Variants in CHD1L observed in about 807,000 individuals in gnomAD.
CHD1L encodes chromodomain helicase DNA binding protein 1 like.
In CHD1L, 118 loss-of-function variants were observed where a neutral mutation model predicts 115.9. The ratio of observed to expected loss-of-function variants is 1.02; its 90% CI spans 0.88 to 1.19. The LOEUF (loss-of-function observed/expected upper bound fraction) is 1.19. Ranked by LOEUF, CHD1L falls within the 50% of genes most tolerant of loss-of-function variation. The pLI is 0.00. For synonymous variants in CHD1L, 411 were observed against 387.1 expected (o/e 1.06, Z -0.72); for missense variants, 1,179 against 1,065.3 (o/e 1.11, Z -1.49).
At chr1:147,265,526 C>T (rs1288824703) in intron 7 of CHD1L, among the ~76,000 whole-genome samples, 11 of 152,094 alleles carry the variant, frequency 7.2e-5, no homozygotes, top group Admixed American at 5.9e-4. Context: ...GAATGCTGGC[C>T]ACATTCACAT....
chr1:147,238,495 T>C (rs587670316), upstream of CHD1L, among the ~76,000 whole-genome samples: 1 of 152,230 alleles, frequency 6.6e-6, no homozygotes, highest in Non-Finnish European at 1.5e-5. Context: ...CTTATGGAGT[T>C]GCTGTTGCCA....
the CHD1L span, chr1:147,214,782 T>C: frequency 6.6e-6 from 1 of 151,956 alleles, no homozygotes; most frequent in Non-Finnish European, 1.5e-5. Flanking sequence ...TATAATAAAA[T>C]TTTTCTTCAT....
rs1553967248 is a variant in CHD1L, at chr1:147,287,728, TGAAAG to T, written c.2317_2320+1del. 3 of 1,613,220 alleles carry T rather than the reference TGAAAG, an allele frequency of 1.9e-6. No individual in the cohort carries two copies. Among genetic ancestry groups the T allele is most frequent in the African/African-American group, 1.3e-5 (1 of 74,750 alleles). On this transcript the variant is annotated frameshift_variant and splice_region_variant, in exon 19 of 23. Coordinates refer to ENST00000369258, the MANE Select transcript of CHD1L (RefSeq NM_004284.6). LOFTEE classifies it high-confidence loss of function. ...AAAATATATGAGCTGGCTGGGAAAATGAAAGGTAAGAAGCAAAGCAGAGGGAAAGG... is the reference window on the plus strand; with the variant it reads ...AAAATATATGAGCTGGCTGGGAAAATGTAAGAAGCAAAGCAGAGGGAAAGG...
the CHD1L span, chr1:147,186,461 T>C: frequency 3.5e-6 from 3 of 852,780 alleles, no homozygotes; most frequent in Non-Finnish European, 4.2e-6. Flanking sequence ...AGTTATAATA[T>C]GAAAAAAAAC....
the CHD1L span, chr1:147,204,351 AGAAT>A: frequency 8.9e-6 from 9 of 1,012,004 alleles, no homozygotes; most frequent in Non-Finnish European, 1.3e-5. Flanking sequence ...TGAAATGGCC[AGAAT>A]CAGGAAAAAT....
upstream of CHD1L, among the ~76,000 whole-genome samples, chr1:147,240,653 G>T (rs10900330): frequency 0.43 from 65,049 of 151,976 alleles, 14,319 homozygotes; most frequent in African/African-American, 0.54. Context: ...ATATTCCATT[G>T]ACTGAGATAG....
chr1:147,204,256 TC>T, the CHD1L span: 1 of 1,134,590 alleles, frequency 8.8e-7, no homozygotes, highest in Non-Finnish European at 1.3e-6. Context: ...ACCTTCTGTT[TC>T]CTTCTTAAAA....
chr1:147,274,653 T>C (rs1677619725), intron 12 of CHD1L, among the ~76,000 whole-genome samples: 1 of 152,136 alleles, frequency 6.6e-6, no homozygotes, highest in African/African-American at 2.4e-5. Flanking sequence ...AGGTACCTCC[T>C]CAGCTCTCTT....
At chr1:147,231,169 C>G in the CHD1L span, among the ~76,000 whole-genome samples, 1 of 152,164 alleles carries the variant, frequency 6.6e-6, no homozygotes, top group African/African-American at 2.4e-5. Context: ...CCTCTACACA[C>G]TGCTTTCAGT....
chr1:147,174,376 G>T, the CHD1L span: 3 of 152,156 alleles, frequency 2.0e-5, no homozygotes, highest in African/African-American at 7.2e-5. Context: ...ACCCCAAGGT[G>T]GTTTCACCAT....
At chr1:147,181,312 A>G in the CHD1L span, among the ~76,000 whole-genome samples, 1 of 152,164 alleles carries the variant, frequency 6.6e-6, no homozygotes, top group Non-Finnish European at 1.5e-5. Context: ...CTGTTTGTAC[A>G]AACAATGTGA....
chr1:147,203,131 G>A, the CHD1L span: 2 of 359,940 alleles, frequency 5.6e-6, no homozygotes, highest in Non-Finnish European at 4.8e-6. Flanking sequence ...TTTTTTGACA[G>A]TAACAATATG....
At chr1:147,269,282 A>G (rs1675192130) in intron 10 of CHD1L, among the ~76,000 whole-genome samples, 1 of 152,246 alleles carries the variant, frequency 6.6e-6, no homozygotes, top group Non-Finnish European at 1.5e-5. Context: ...ATGAAGGCTC[A>G]GTAAACATTC....
In CHD1L at chr1:147,286,626, A is replaced by T. The variant is rs782751409; in HGVS notation, c.2221+126A>T. 1.0e-4 allele frequency: 83 copies of T among 802,698 alleles called. No individual in the cohort carries two copies. In the Admixed American group the frequency reaches 1.2e-3, roughly 11 times the overall value. 49.7% of individuals were successfully genotyped at this position (802,698 alleles called of 1,614,324 possible). On this transcript the variant is annotated intron_variant, in intron 18 of 22. Coordinates refer to ENST00000369258, the MANE Select transcript of CHD1L (RefSeq NM_004284.6). ...AGTATTGTACAGTCAAAAAAGTGTG[A>T]ATTTTAGAGTCAGGAGATATTCCAG...
the CHD1L span, chr1:147,209,042 T>G: frequency 6.2e-7 from 1 of 1,613,568 alleles, no homozygotes; most frequent in East Asian, 2.2e-5. Flanking sequence ...CTCCTGGTGC[T>G]GAGGAAAACC....
chr1:147,289,843 G>A (rs2102983216), intron 19 of CHD1L, among the ~76,000 whole-genome samples: 1 of 152,348 alleles, frequency 6.6e-6, no homozygotes, highest in South Asian at 2.1e-4. Flanking sequence ...GAAGAATAGA[G>A]GAGAGTTTCG....
intron 20 of CHD1L, among the ~76,000 whole-genome samples, 182 bp downstream of exon 20, chr1:147,291,734 G>A (rs1485007493): frequency 1.3e-5 from 2 of 152,094 alleles, no homozygotes; most frequent in Admixed American, 6.5e-5. Context: ...TCTGGAGGCC[G>A]AAAGTCCAAG....
intron 19 of CHD1L, among the ~76,000 whole-genome samples, chr1:147,288,880 G>GA (rs1357886696): frequency 2.0e-5 from 3 of 151,948 alleles, no homozygotes; most frequent in Non-Finnish European, 4.4e-5. Context: ...ACAGAGAAGG[G>GA]AAAAAGGCAC....
the CHD1L span, chr1:147,190,205 A>C: frequency 6.2e-7 from 1 of 1,611,790 alleles, no homozygotes; most frequent in Non-Finnish European, 8.5e-7. Flanking sequence ...TGAGCTTTAG[A>C]TATTTCTGCC....
Sources: gnomAD v4.1 joint callset for allele counts (sites outside exome capture counted in the v4.1 genomes callset) on GRCh38, gnomAD v4.1.1 for gene constraint, MANE v1.5 for transcripts, NCBI Gene and HGNC (gene_info 2026-07-23, HGNC 2026-07-21) for gene names.